MACROD2: variants seen among roughly 807,000 people sequenced by gnomAD.
The protein encoded by MACROD2 is ADP-ribose glycohydrolase MACROD2.
In MACROD2, 36 loss-of-function variants were observed where a neutral mutation model predicts 70.4. The observed-to-expected ratio is 0.51, with a 90% confidence interval of 0.39 to 0.68. The LOEUF (loss-of-function observed/expected upper bound fraction) is 0.68. Ranked by LOEUF, MACROD2 falls within the 30% of genes least tolerant of loss-of-function variation. The pLI, the probability that MACROD2 is intolerant of heterozygous loss-of-function variation, is 0.00. For synonymous variants in MACROD2, 172 were observed against 178.8 expected, an observed-to-expected ratio of 0.96 and a Z score of 0.30; for missense variants, 496 against 538.4, an observed-to-expected ratio of 0.92 and a Z score of 0.78.
intron 9 of MACROD2, among the ~76,000 whole-genome samples, chr20:15,875,464 G>A (rs1450428550): frequency 6.6e-6 from 1 of 151,986 alleles, no homozygotes; most frequent in Non-Finnish European, 1.5e-5. Context: ...TGCAAGACAA[G>A]CTCTCTATAA....
intron 5 of MACROD2, among the ~76,000 whole-genome samples, chr20:14,899,544 T>A (rs1294421236): frequency 6.6e-6 from 1 of 152,184 alleles, no homozygotes; most frequent in African/African-American, 2.4e-5. Flanking sequence ...TCTCTTTGTA[T>A]GTGCCTCTGT....
intron 5 of MACROD2, among the ~76,000 whole-genome samples, chr20:15,020,962 ATG>A (rs2075162872): frequency 6.8e-6 from 1 of 146,450 alleles, no homozygotes; most frequent in African/African-American, 2.6e-5. Flanking sequence ...TATATATGTA[ATG>A]TGTGTATACA....
chr20:14,039,167 A>T (rs1292354798), intron 2 of MACROD2, among the ~76,000 whole-genome samples: 3 of 152,168 alleles, frequency 2.0e-5, no homozygotes, highest in East Asian at 1.9e-4. Context: ...GCTTTTAAAA[A>T]TTTTTTATGT....
chr20:15,627,501 T>A (rs1301420266), intron 8 of MACROD2, among the ~76,000 whole-genome samples: 1 of 151,976 alleles, frequency 6.6e-6, no homozygotes, highest in Non-Finnish European at 1.5e-5. Context: ...CAAAGGCAGT[T>A]TGGGGAAGGG....
At chr20:14,517,496 G>A (rs560366624) in intron 4 of MACROD2, among the ~76,000 whole-genome samples, 1 of 152,062 alleles carries the variant, frequency 6.6e-6, no homozygotes, top group Admixed American at 6.6e-5. Context: ...ATGAGAACAC[G>A]TGGACACAAG....
At chr20:15,368,222 C>T (rs1219100654) in intron 6 of MACROD2, among the ~76,000 whole-genome samples, 3 of 151,944 alleles carry the variant, frequency 2.0e-5, no homozygotes, top group Non-Finnish European at 4.4e-5. Flanking sequence ...GACTCTCAGG[C>T]CCACCCCCGC....
At chr20:14,414,030 A>G (rs1205199306) in intron 3 of MACROD2, among the ~76,000 whole-genome samples, 2 of 152,158 alleles carry the variant, frequency 1.3e-5, no homozygotes, top group Non-Finnish European at 2.9e-5. Context: ...TTCTTCTGCT[A>G]TCTGCATTCT....
intron 6 of MACROD2, among the ~76,000 whole-genome samples, chr20:15,317,818 C>T (rs2077830250): frequency 6.6e-6 from 1 of 151,960 alleles, no homozygotes; most frequent in South Asian, 2.1e-4. Context: ...AGCCCAAGCA[C>T]ATTAGGGAGG....
chr20:14,620,171 G>A (rs539372573), intron 4 of MACROD2, among the ~76,000 whole-genome samples: 1 of 152,088 alleles, frequency 6.6e-6, no homozygotes, highest in African/African-American at 2.4e-5. Flanking sequence ...ATTAGCCATT[G>A]GCCAGTGAAG....
chr20:15,032,585 G>T (rs6110500), intron 5 of MACROD2, among the ~76,000 whole-genome samples: 39,222 of 152,020 alleles, frequency 0.26, 5,400 homozygotes, highest in Middle Eastern at 0.46. Flanking sequence ...CTCAATAATT[G>T]GTCAATTTTT....
intron 5 of MACROD2, among the ~76,000 whole-genome samples, chr20:14,923,032 C>G (rs1351468330): frequency 6.6e-6 from 1 of 152,164 alleles, no homozygotes; most frequent in Admixed American, 6.5e-5. Flanking sequence ...AAAAGCTTTT[C>G]TTCAGCATTG....
At chr20:14,940,494 G>A (rs1000004892) in intron 5 of MACROD2, among the ~76,000 whole-genome samples, 4 of 152,134 alleles carry the variant, frequency 2.6e-5, no homozygotes, top group Non-Finnish European at 5.9e-5. Context: ...TAGAGGAAAG[G>A]CATTCAATTT....
chr20:14,755,165 G>C (rs1452522022), intron 5 of MACROD2, among the ~76,000 whole-genome samples: 1 of 151,934 alleles, frequency 6.6e-6, no homozygotes, highest in African/African-American at 2.4e-5. Context: ...ATGTGTGCTG[G>C]AGCCAATACT....
At position 14,663,519 on chromosome 20, in the gene MACROD2, T is replaced by TACACACACAC. The variant is rs10606501; in HGVS notation, c.302-21296_302-21287dup. ...ATAATAAAAATAAAACAGGGATGTA[T>TACACACACAC]ACACACACACACACACACACACACA... is the stretch of plus-strand genomic sequence containing the variant. On this transcript the variant is annotated intron_variant, in intron 4 of 17. Transcript: ENST00000684519. Among the ~76,000 whole-genome samples the TACACACACAC allele has an allele frequency of 3.3e-3, 466 of 141,540 alleles. 5 individuals are homozygous for TACACACACAC. The highest frequency in any genetic ancestry group is 0.011 in the African/African-American group (408 of 38,174). The allele number at this position is 141,540 out of a possible 152,430, so 92.9% of individuals were successfully genotyped here.
chr20:14,025,477 A>AT (rs1022558507), intron 2 of MACROD2, among the ~76,000 whole-genome samples: 14 of 152,082 alleles, frequency 9.2e-5, no homozygotes, highest in African/African-American at 3.4e-4. Flanking sequence ...TCCTGTGGGC[A>AT]TTTAGTGCTA....
chr20:14,331,128 G>A (rs1475294896), intron 3 of MACROD2, among the ~76,000 whole-genome samples: 1 of 152,018 alleles, frequency 6.6e-6, no homozygotes, highest in Admixed American at 6.6e-5. Context: ...CCGCTGATTG[G>A]GGATTTAAAA....
intron 7 of MACROD2, among the ~76,000 whole-genome samples, chr20:15,452,652 C>T (rs866270078): frequency 6.6e-6 from 1 of 152,104 alleles, no homozygotes; most frequent in Non-Finnish European, 1.5e-5. Context: ...CAAGTTTACC[C>T]TTACTCCTTA....
chr20:15,406,715 T>C (rs1175861202), intron 6 of MACROD2, among the ~76,000 whole-genome samples: 1 of 152,140 alleles, frequency 6.6e-6, no homozygotes, highest in East Asian at 1.9e-4. Flanking sequence ...AGAACATTTG[T>C]GGAGGAGACA....
At chr20:15,662,419 G>A (rs1351551192) in intron 8 of MACROD2, among the ~76,000 whole-genome samples, 1 of 152,104 alleles carries the variant, frequency 6.6e-6, no homozygotes, top group African/African-American at 2.4e-5. Flanking sequence ...TTAGCATTGT[G>A]ACTGGCACAT....
Sources: allele counts gnomAD v4.1 joint callset (sites outside exome capture counted in the v4.1 genomes callset), GRCh38; gene constraint gnomAD v4.1.1; transcripts MANE v1.5; gene names NCBI Gene and HGNC (gene_info 2026-07-23, HGNC 2026-07-21).